ADAMTS3: variants seen among roughly 807,000 people sequenced by gnomAD.
ADAMTS3 encodes the protein A disintegrin and metalloproteinase with thrombospondin motifs 3.
In ADAMTS3, 73 loss-of-function variants were observed where a neutral mutation model predicts 129.0. The observed-to-expected ratio is 0.57, with a 90% CI of 0.47 to 0.69. The LOEUF (loss-of-function observed/expected upper bound fraction) is 0.69, where lower values mean the gene tolerates loss of function less well. Ranked by LOEUF, ADAMTS3 falls within the 30% of genes least tolerant of loss-of-function variation. The pLI is 0.00. For missense variants in ADAMTS3, 1,457 were observed against 1,514.5 expected (o/e 0.96, Z 0.63); for synonymous variants, 477 against 510.8 (o/e 0.93, Z 0.89).
At chr4:72,519,810 G>A (rs534583194) in intron 3 of ADAMTS3, among the ~76,000 whole-genome samples, 1 of 152,304 alleles carries the variant, frequency 6.6e-6, no homozygotes, top group East Asian at 1.9e-4. Flanking sequence ...GGAGTAGTTT[G>A]TTCGTCTGAA....
intron 3 of ADAMTS3, among the ~76,000 whole-genome samples, chr4:72,467,096 A>C (rs907512560): frequency 2.0e-5 from 3 of 152,004 alleles, no homozygotes; most frequent in Admixed American, 2.0e-4. Flanking sequence ...TCACTGCAAA[A>C]AAGCTTTCCC....
At position 72,318,619 on chromosome 4, in the gene ADAMTS3, C is replaced by T. The variant is rs771377543; in HGVS notation, c.1438G>A (p.Glu480Lys). 7 of 1,613,766 alleles carry T rather than the reference C, an allele frequency of 4.3e-6. No individual in the cohort carries two copies. The highest frequency in any genetic ancestry group is 5.9e-6 in the Non-Finnish European group (7 of 1,179,872). The stretch of plus-strand genomic sequence containing the variant: ...ACACCAAAATCAAAACGACATTGCT[C>T]ATCCATAGAATAATTGATTCCAGGA... ...ELPGINYSMDEQCRFDFGVGY... is the reference protein window; with the variant it reads ...ELPGINYSMDKQCRFDFGVGY... Residue 480 changes from glutamate (E) to lysine (K), a missense_variant, in exon 10 of 22, where the codon GAG becomes AAG. By Grantham distance (56) the Glu-to-Lys change is moderately conservative. Coordinates refer to ENST00000286657, the MANE Select transcript of ADAMTS3 (RefSeq NM_014243.3).
chr4:72,298,469 A>G, intron 17 of ADAMTS3, 27 bp from the exon 18 acceptor site: 1 of 1,529,726 alleles, frequency 6.5e-7, no homozygotes, highest in South Asian at 1.3e-5. Flanking sequence ...ATCAATATGT[A>G]AATCACCTGA....
At chr4:72,350,845 A>G (rs905907835) in intron 4 of ADAMTS3, among the ~76,000 whole-genome samples, 3 of 151,870 alleles carry the variant, frequency 2.0e-5, no homozygotes, top group South Asian at 4.1e-4. Flanking sequence ...GTTTCCTCAC[A>G]TATATATGCG....
intron 3 of ADAMTS3, among the ~76,000 whole-genome samples, chr4:72,473,988 C>T (rs1057502294): frequency 3.3e-5 from 5 of 152,182 alleles, no homozygotes; most frequent in African/African-American, 1.2e-4. Flanking sequence ...CTCCTGTCTT[C>T]AGGAGTAAAT....
chr4:72,290,352 T>C (rs1176930657), intron 20 of ADAMTS3, among the ~76,000 whole-genome samples: 1 of 152,100 alleles, frequency 6.6e-6, no homozygotes, highest in Non-Finnish European at 1.5e-5. Context: ...AGGTGGTCAT[T>C]TGGACTACGG....
At chr4:72,460,742 T>G (rs1288990176) in intron 3 of ADAMTS3, among the ~76,000 whole-genome samples, 3 of 151,582 alleles carry the variant, frequency 2.0e-5, no homozygotes, top group Non-Finnish European at 3.0e-5. Flanking sequence ...AAAATATCCT[T>G]ACTTATTTTG....
At chr4:72,338,037 T>C (rs1720034451) in intron 5 of ADAMTS3, among the ~76,000 whole-genome samples, 2 of 152,110 alleles carry the variant, frequency 1.3e-5, no homozygotes, top group Admixed American at 1.3e-4. Context: ...AGATAACTTA[T>C]GAAGTAAAAT....
At position 72,312,399 on chromosome 4, in the gene ADAMTS3, A is replaced by C; in HGVS notation, c.1813T>G (p.Cys605Gly). 6.2e-7 allele frequency: 1 copy of C among 1,613,764 alleles called. No homozygotes were observed. The change falls in exon 13 of 22, where the codon TGC becomes GGC. Residue 605 changes from cysteine to glycine, a missense_variant. By Grantham distance (159) the Cys-to-Gly change is radical (BLOSUM62 -3). Coordinates refer to ENST00000286657, the MANE Select transcript of ADAMTS3 (RefSeq NM_014243.3). ...CTGAAGTCCTCAAAGTGTTTTTGGC[A>C]TTCTTCTGTGTTACAAAGCTGGTAC... is the stretch of plus-strand genomic sequence containing the variant. The part of the protein sequence containing the change: ...FEYQLCNTEE[C>G]QKHFEDFRAQ...
chr4:72,503,566 A>G (rs1189453677), intron 3 of ADAMTS3, among the ~76,000 whole-genome samples: 4 of 152,200 alleles, frequency 2.6e-5, no homozygotes, highest in Non-Finnish European at 5.9e-5. Flanking sequence ...AATTGAGAAT[A>G]TACATTCTAT....
chr4:72,398,658 AG>A (rs1162411647), intron 4 of ADAMTS3, among the ~76,000 whole-genome samples: 1 of 152,228 alleles, frequency 6.6e-6, no homozygotes, highest in East Asian at 1.9e-4. Context: ...ATATTTATGA[AG>A]ACAAAGGACA....
At chr4:72,518,868 G>C (rs1442013317) in intron 3 of ADAMTS3, among the ~76,000 whole-genome samples, 1 of 151,796 alleles carries the variant, frequency 6.6e-6, no homozygotes, top group African/African-American at 2.4e-5. Flanking sequence ...GTGTGAATTT[G>C]ATCCTGTCAT....
Position 72,281,469 on chromosome 4 carries a change from T to C in ADAMTS3, c.*1667A>G, listed in dbSNP as rs1718339665. On this transcript the variant is annotated 3_prime_UTR_variant, in exon 22 of 22. Coordinates refer to ENST00000286657, the MANE Select transcript of ADAMTS3 (RefSeq NM_014243.3). ...TGACCTCAAAATCATTATGCTGATA[T>C]CACTATCTCCTCTCATGTACATGTA... 2 of 152,436 alleles carry C rather than the reference T, an allele frequency of 1.3e-5. No homozygotes were observed. Among genetic ancestry groups the C allele is most frequent in the Non-Finnish European group, 2.9e-5 (2 of 68,036 alleles). The allele number at this position is 152,436 out of a possible 1,614,324, so 9.4% of individuals were successfully genotyped here. A position where few individuals can be genotyped will look rare whatever the true frequency, so the allele number is the denominator to read the frequency against.
At chr4:72,479,376 C>A (rs557441445) in intron 3 of ADAMTS3, among the ~76,000 whole-genome samples, 3 of 152,164 alleles carry the variant, frequency 2.0e-5, no homozygotes, top group Non-Finnish European at 2.9e-5. Flanking sequence ...AAAGAGCCCT[C>A]AGAAATAATG....
intron 3 of ADAMTS3, among the ~76,000 whole-genome samples, chr4:72,544,045 A>G (rs1346855869): frequency 2.6e-5 from 4 of 152,106 alleles, no homozygotes; most frequent in Non-Finnish European, 5.9e-5. Context: ...TCTTCAATCA[A>G]TACATGAGAA....
intron 3 of ADAMTS3, 78 bp from the exon 4 acceptor site, chr4:72,415,049 G>GTCAAGAATATGACTTGTGAAAACT (rs1722271025): frequency 9.1e-7 from 1 of 1,097,732 alleles, no homozygotes; most frequent in Non-Finnish European, 1.2e-6. Context: ...CTTTTTAAAT[G>GTCAAGAATATGACTTGTGAAAACT]TCAAGAATAT....
chr4:72,469,949 T>C (rs1414423352), intron 3 of ADAMTS3, among the ~76,000 whole-genome samples: 2 of 152,190 alleles, frequency 1.3e-5, no homozygotes, highest in Non-Finnish European at 2.9e-5. Flanking sequence ...CAGGCAACAG[T>C]AAGCTATTAG....
chr4:72,291,516 T>C (rs944886085), intron 19 of ADAMTS3, among the ~76,000 whole-genome samples: 1 of 150,858 alleles, frequency 6.6e-6, no homozygotes, highest in Admixed American at 6.6e-5. Context: ...TTTTTTGTCC[T>C]TGCGATAGTT....
intron 4 of ADAMTS3, among the ~76,000 whole-genome samples, chr4:72,353,365 TGA>T (rs1447766618): frequency 1.3e-5 from 2 of 152,026 alleles, no homozygotes; most frequent in African/African-American, 4.8e-5. Flanking sequence ...TGAACTCATA[TGA>T]GATTTGGAAC....
Sources: allele counts gnomAD v4.1 joint callset (sites outside exome capture counted in the v4.1 genomes callset), GRCh38; gene constraint gnomAD v4.1.1; transcripts MANE v1.5; gene names NCBI Gene and HGNC (gene_info 2026-07-23, HGNC 2026-07-21).